ARIH1: variants seen among roughly 807,000 people sequenced by gnomAD.
The protein encoded by ARIH1 is ariadne RBR E3 ubiquitin protein ligase 1, also known as E3 ubiquitin-protein ligase ARIH1.
ARIH1 carries 8 observed loss-of-function variants against 85.0 expected under a neutral mutation model. The ratio of observed to expected loss-of-function variants is 0.09; its 90% CI spans 0.06 to 0.17. The LOEUF (loss-of-function observed/expected upper bound fraction) is 0.17, where lower values mean the gene tolerates loss of function less well. Among genes scored for constraint, ARIH1 ranks in the 10% least tolerant of loss-of-function variants. The pLI is 1.00. For missense variants in ARIH1, 311 were observed against 718.1 expected, an observed-to-expected ratio of 0.43 and a Z score of 6.48; for synonymous variants, 238 against 253.6, an observed-to-expected ratio of 0.94 and a Z score of 0.59.
At chr15:72,577,461 T>C (rs926755695) in intron 11 of ARIH1, among the ~76,000 whole-genome samples, 5 of 151,552 alleles carry the variant, frequency 3.3e-5, no homozygotes, top group African/African-American at 1.2e-4. Context: ...TTGCCTGAGG[T>C]TGGGAGTTTG....
intron 2 of ARIH1, among the ~76,000 whole-genome samples, chr15:72,523,549 A>T (rs1243041449): frequency 6.6e-6 from 1 of 151,954 alleles, no homozygotes; most frequent in Non-Finnish European, 1.5e-5. Flanking sequence ...GGGGGCCTAA[A>T]CTATTTTGTA....
intron 1 of ARIH1, among the ~76,000 whole-genome samples, chr15:72,486,024 T>A (rs1013851709): frequency 6.6e-6 from 1 of 152,166 alleles, no homozygotes; most frequent in East Asian, 1.9e-4. Context: ...TATATTTTTT[T>A]AAAAAGCTGT....
intron 1 of ARIH1, among the ~76,000 whole-genome samples, chr15:72,501,361 A>G (rs2063902625): frequency 6.6e-6 from 1 of 152,218 alleles, no homozygotes; most frequent in Non-Finnish European, 1.5e-5. Context: ...TATGTTTGTT[A>G]TTGAACAAAA....
intron 2 of ARIH1, among the ~76,000 whole-genome samples, chr15:72,540,226 C>T (rs1050740156): frequency 1.4e-5 from 2 of 143,242 alleles, no homozygotes; most frequent in African/African-American, 5.2e-5. Flanking sequence ...CCATTGTACT[C>T]CAGCCTGGGT....
Position 72,474,983 on chromosome 15 carries a change from A to C in ARIH1, c.344A>C (p.Glu115Ala). Residue 115 changes from glutamate (E) to alanine (A), a missense_variant, in exon 1 of 14, where the codon GAA (glutamate) becomes GCA (alanine). Glu to Ala is a moderately radical substitution (Grantham distance 107, BLOSUM62 -1). Transcript: ENST00000379887. The stretch of plus-strand genomic sequence containing the variant: ...GAGCAGATTCTACAACACATGGTGG[A>C]ATGTATCCGGGAGGTCAACGAGGTC... The part of the protein sequence containing the change: ...TAEQILQHMV[E>A]CIREVNEVIQ... 1 of 1,560,006 alleles carries C rather than the reference A, an allele frequency of 6.4e-7. No individual in the cohort carries two copies.
At chr15:72,500,631 T>G (rs2063898844) in intron 1 of ARIH1, among the ~76,000 whole-genome samples, 1 of 152,222 alleles carries the variant, frequency 6.6e-6, no homozygotes, top group South Asian at 2.1e-4. Flanking sequence ...AAAATAATGA[T>G]AAGTTATGGA....
rs369951566 is a variant in ARIH1, at chr15:72,583,473, A to G, written c.*181A>G. 62 of 523,618 alleles carry G rather than the reference A, an allele frequency of 1.2e-4. No individual in the cohort carries two copies. Among genetic ancestry groups the G allele is most frequent in the African/African-American group, 1.0e-3 (55 of 52,988 alleles). The allele number at this position is 523,618 out of a possible 1,614,324, so 32.4% of individuals were successfully genotyped here. ...ATTATATTGTAATAAAAAGGTAGAT[A>G]AACCATTGTACAACAGTATTCTAGG... On this transcript the variant is annotated 3_prime_UTR_variant, in exon 14 of 14. Coordinates refer to ENST00000379887, the MANE Select transcript of ARIH1 (RefSeq NM_005744.5).
intron 1 of ARIH1, among the ~76,000 whole-genome samples, chr15:72,512,108 A>G (rs1049131761): frequency 6.6e-6 from 1 of 152,158 alleles, no homozygotes; most frequent in Admixed American, 6.5e-5. Flanking sequence ...TTGTTCATGT[A>G]GTAATTTTCT....
intron 2 of ARIH1, among the ~76,000 whole-genome samples, chr15:72,521,790 C>T (rs2064001498): frequency 6.6e-6 from 1 of 152,142 alleles, no homozygotes; most frequent in African/African-American, 2.4e-5. Context: ...TTCAGGTGAT[C>T]TTCCCCTCTC....
intron 6 of ARIH1, among the ~76,000 whole-genome samples, chr15:72,562,524 A>G (rs369033855): frequency 1.6e-4 from 24 of 151,896 alleles, no homozygotes; most frequent in African/African-American, 5.3e-4. Context: ...TTTTTTTTTC[A>G]TAATACTATA....
chr15:72,508,008 G>A (rs1304811282), intron 1 of ARIH1, among the ~76,000 whole-genome samples: 1 of 152,158 alleles, frequency 6.6e-6, no homozygotes, highest in Non-Finnish European at 1.5e-5. Flanking sequence ...AGGATCATCT[G>A]GGGACCTTCA....
intron 7 of ARIH1, among the ~76,000 whole-genome samples, chr15:72,563,872 T>C (rs2064207727): frequency 6.6e-6 from 1 of 152,212 alleles, no homozygotes; most frequent in Non-Finnish European, 1.5e-5. Context: ...TGCAGGTAAA[T>C]TCTGCTGATG....
intron 10 of ARIH1, 41 bp from the exon 11 acceptor site, chr15:72,572,067 A>ATTTT: frequency 1.6e-6 from 2 of 1,234,150 alleles, no homozygotes; most frequent in Non-Finnish European, 1.1e-6. Context: ...CTTTTCATTG[A>ATTTT]TTTTTTTTTT....
chr15:72,548,251 A>G (rs2140425841), intron 3 of ARIH1, among the ~76,000 whole-genome samples: 1 of 150,250 alleles, frequency 6.7e-6, no homozygotes, highest in Non-Finnish European at 1.5e-5. Flanking sequence ...AATCTGAACT[A>G]ACATCTGAAG....
chr15:72,476,618 C>G (rs1021326778), intron 1 of ARIH1, among the ~76,000 whole-genome samples: 1 of 152,194 alleles, frequency 6.6e-6, no homozygotes, highest in African/African-American at 2.4e-5. Context: ...CTGCCTCGGC[C>G]TCCCAAAGCG....
chr15:72,549,445 G>A (rs536532434), intron 3 of ARIH1, among the ~76,000 whole-genome samples: 7 of 152,250 alleles, frequency 4.6e-5, no homozygotes, highest in African/African-American at 1.7e-4. Flanking sequence ...GATATGTGAA[G>A]TAGGTAAAGG....
At chr15:72,566,684 T>A in intron 8 of ARIH1, 79 bp downstream of exon 8, 3 of 1,273,574 alleles carry the variant, frequency 2.4e-6, no homozygotes, top group Non-Finnish European at 3.4e-6. Flanking sequence ...AGCTGATGAT[T>A]TTGTTATCTA....
At chr15:72,490,560 C>G (rs2063855137) in intron 1 of ARIH1, among the ~76,000 whole-genome samples, 1 of 152,108 alleles carries the variant, frequency 6.6e-6, no homozygotes, top group South Asian at 2.1e-4. Context: ...CCCTCCCGCT[C>G]CTTTCATGGA....
chr15:72,504,118 G>A (rs1195545422), intron 1 of ARIH1, among the ~76,000 whole-genome samples: 1 of 152,150 alleles, frequency 6.6e-6, no homozygotes, highest in Non-Finnish European at 1.5e-5. Context: ...GCAGTGGCAC[G>A]ATCTTGGCTC....
Sources: allele counts gnomAD v4.1 joint callset (sites outside exome capture counted in the v4.1 genomes callset), GRCh38; gene constraint gnomAD v4.1.1; transcripts MANE v1.5; gene names NCBI Gene and HGNC (gene_info 2026-07-23, HGNC 2026-07-21).